Variants in THSD4 observed in about 807,000 individuals in gnomAD.
The protein encoded by THSD4 is thrombospondin type-1 domain-containing protein 4.
THSD4 carries 69 observed loss-of-function variants against 119.0 expected under a neutral mutation model. The ratio of observed to expected loss-of-function variants is 0.58; its 90% CI spans 0.48 to 0.71. The LOEUF (loss-of-function observed/expected upper bound fraction) is 0.71, where lower values mean the gene tolerates loss of function less well. Among genes scored for constraint, THSD4 ranks in the 30% least tolerant of loss-of-function variants. The probability of loss-of-function intolerance (pLI) is 0.00; values close to 1 mark genes in which losing one functional copy is unlikely to be tolerated. For missense variants in THSD4, 1,393 were observed against 1,391.1 expected, an observed-to-expected ratio of 1.00 and a Z score of -0.02; for synonymous variants, 524 against 540.4, an observed-to-expected ratio of 0.97 and a Z score of 0.42.
At chr15:71,476,117 G>A (rs1416956598) in intron 7 of THSD4, among the ~76,000 whole-genome samples, 1 of 152,158 alleles carries the variant, frequency 6.6e-6, no homozygotes, top group Non-Finnish European at 1.5e-5. Context: ...AGTAACATAG[G>A]TATGTAAAGT....
intron 7 of THSD4, among the ~76,000 whole-genome samples, chr15:71,491,382 A>C (rs1272732731): frequency 6.6e-6 from 1 of 152,200 alleles, no homozygotes; most frequent in African/African-American, 2.4e-5. Context: ...CTGGGAGATA[A>C]TTAGGATTAG....
intron 15 of THSD4, among the ~76,000 whole-genome samples, chr15:71,759,422 T>C (rs1038247411): frequency 3.3e-5 from 5 of 152,246 alleles, no homozygotes; most frequent in South Asian, 2.1e-4. Flanking sequence ...AAGGTAATCA[T>C]ATCAACCTCT....
At chr15:71,372,061 T>C (rs1271522933) in intron 6 of THSD4, among the ~76,000 whole-genome samples, 1 of 152,256 alleles carries the variant, frequency 6.6e-6, no homozygotes, top group Non-Finnish European at 1.5e-5. Context: ...TTTCTTCCAG[T>C]TGATCGAATT....
chr15:71,505,935 C>T (rs1212698126), intron 7 of THSD4, among the ~76,000 whole-genome samples: 2 of 152,148 alleles, frequency 1.3e-5, no homozygotes, highest in East Asian at 1.9e-4. Context: ...TGAAAAACTA[C>T]AAGAAAACCT....
intron 7 of THSD4, among the ~76,000 whole-genome samples, chr15:71,653,564 G>T (rs1318397941): frequency 6.6e-6 from 1 of 152,160 alleles, no homozygotes; most frequent in African/African-American, 2.4e-5. Context: ...ACCCCCATAA[G>T]AAAGACCTTT....
chr15:71,334,294 CAG>C (rs2045464964), intron 6 of THSD4, among the ~76,000 whole-genome samples: 1 of 152,078 alleles, frequency 6.6e-6, no homozygotes, highest in African/African-American at 2.4e-5. Flanking sequence ...AATGGGGAAA[CAG>C]AGTTAAAGGA....
chr15:71,661,824 G>T (rs1224108400), intron 8 of THSD4, among the ~76,000 whole-genome samples: 2 of 152,040 alleles, frequency 1.3e-5, no homozygotes, highest in African/African-American at 4.8e-5. Context: ...TATTGAACAG[G>T]AACTTACCTA....
chr15:71,238,269 C>T (rs897655855), intron 4 of THSD4, among the ~76,000 whole-genome samples: 7 of 152,148 alleles, frequency 4.6e-5, no homozygotes, highest in Non-Finnish European at 7.3e-5. Context: ...GACTTTACAA[C>T]ATCCTTGTAA....
At chr15:71,150,896 A>G (rs1384874238) in intron 2 of THSD4, among the ~76,000 whole-genome samples, 1 of 152,190 alleles carries the variant, frequency 6.6e-6, no homozygotes, top group Non-Finnish European at 1.5e-5. Flanking sequence ...TCATTCTTTA[A>G]TTCAGTGAAT....
At chr15:71,135,559 G>A (rs1488378564) in intron 1 of THSD4, among the ~76,000 whole-genome samples, 2 of 152,168 alleles carry the variant, frequency 1.3e-5, no homozygotes, top group Admixed American at 1.3e-4. Flanking sequence ...TTATGAGGAT[G>A]ATTTAAAGCC....
At chr15:71,280,058 G>C (rs867514556) in intron 6 of THSD4, among the ~76,000 whole-genome samples, 2 of 152,346 alleles carry the variant, frequency 1.3e-5, no homozygotes, top group East Asian at 1.9e-4. Flanking sequence ...GGTGCCTGCT[G>C]TATGCTTATC....
intron 7 of THSD4, among the ~76,000 whole-genome samples, chr15:71,630,210 T>C (rs1213202936): frequency 6.6e-6 from 1 of 152,206 alleles, no homozygotes; most frequent in Non-Finnish European, 1.5e-5. Context: ...TCTTAACTGG[T>C]GCTTCAGACA....
At chr15:71,310,141 C>T (rs940948943) in intron 6 of THSD4, among the ~76,000 whole-genome samples, 1 of 136,334 alleles carries the variant, frequency 7.3e-6, no homozygotes, top group African/African-American at 2.6e-5. Flanking sequence ...AATCCAAGTA[C>T]TTCTGCTATT....
intron 4 of THSD4, among the ~76,000 whole-genome samples, chr15:71,235,630 C>T (rs537801356): frequency 5.4e-4 from 80 of 148,838 alleles, no homozygotes; most frequent in Non-Finnish European, 1.1e-3. Flanking sequence ...CTCTGTTGCC[C>T]AGGCTGGCGT....
intron 8 of THSD4, among the ~76,000 whole-genome samples, chr15:71,697,007 T>C (rs1003642217): frequency 2.6e-5 from 4 of 152,146 alleles, no homozygotes; most frequent in Non-Finnish European, 5.9e-5. Context: ...GCCTTCAGAA[T>C]GCACAGCTTC....
chr15:71,392,277 A>G (rs1381983668), intron 6 of THSD4, among the ~76,000 whole-genome samples: 3 of 152,158 alleles, frequency 2.0e-5, no homozygotes, highest in African/African-American at 7.2e-5. Flanking sequence ...CTACTTCCCT[A>G]GGCATCTAGT....
intron 7 of THSD4, among the ~76,000 whole-genome samples, chr15:71,588,546 C>T (rs1224680082): frequency 1.3e-5 from 2 of 152,104 alleles, no homozygotes; most frequent in Admixed American, 1.3e-4. Context: ...GCCTCAGCCT[C>T]CCTAGTAGCT....
intron 2 of THSD4, among the ~76,000 whole-genome samples, chr15:71,147,368 C>T (rs908394257): frequency 6.6e-6 from 1 of 152,040 alleles, no homozygotes; most frequent in Non-Finnish European, 1.5e-5. Flanking sequence ...CCAGGCCCAG[C>T]TCACTTTAAA....
chr15:71,320,154 G>A (rs2045247524), intron 6 of THSD4, among the ~76,000 whole-genome samples: 1 of 152,182 alleles, frequency 6.6e-6, no homozygotes, highest in African/African-American at 2.4e-5. Context: ...GCCTTTGGAT[G>A]AGTCATCTTC....
Sources: gnomAD v4.1 joint callset for allele counts (sites outside exome capture counted in the v4.1 genomes callset) on GRCh38, gnomAD v4.1.1 for gene constraint, MANE v1.5 for transcripts, NCBI Gene and HGNC (gene_info 2026-07-23, HGNC 2026-07-21) for gene names.